LMNA: variants seen among roughly 807,000 people sequenced by gnomAD.
LMNA encodes lamin.
A neutral mutation model predicts 70.4 loss-of-function variants in LMNA; 20 were observed. The ratio of observed to expected loss-of-function variants is 0.28; its 90% CI spans 0.20 to 0.41. The LOEUF is 0.41. Among genes scored for constraint, LMNA ranks in the 10% least tolerant of loss-of-function variants. The pLI, the probability that LMNA is intolerant of heterozygous loss-of-function variation, is 1.00. For missense variants in LMNA, 652 were observed against 917.2 expected (o/e 0.71, Z 3.73); for synonymous variants, 339 against 372.8 (o/e 0.91, Z 1.04).
chr1:156,092,444 C>T (rs1022938978), intron 3 of LMNA, among the ~76,000 whole-genome samples: 5 of 151,402 alleles, frequency 3.3e-5, no homozygotes, highest in Non-Finnish European at 7.4e-5. Context: ...TTTGGGAGGC[C>T]GAGGCAGGTG....
upstream of LMNA, among the ~76,000 whole-genome samples, chr1:156,112,837 C>T (rs1189205020): frequency 1.3e-5 from 2 of 152,230 alleles, no homozygotes; most frequent in Non-Finnish European, 1.5e-5. Flanking sequence ...CTGTCCAGCC[C>T]TGCTTTCCTT....
intron 3 of LMNA, among the ~76,000 whole-genome samples, chr1:156,095,619 A>G (rs1419764438): frequency 1.3e-5 from 2 of 151,932 alleles, no homozygotes; most frequent in Admixed American, 1.3e-4. Flanking sequence ...GGCCTCTCAA[A>G]GTGCTGGGAT....
At position 156,107,940 on chromosome 1, in the gene LMNA, T is replaced by G. The variant is rs568232359; in HGVS notation, c.-206-6773T>G. Reference sequence around the variant, plus strand: ...GCCACCACGCCCAGCTGATTTTTTGTATTTTTGGTAGAGATGGAGTTTTAC... The same window carrying G: ...GCCACCACGCCCAGCTGATTTTTTGGATTTTTGGTAGAGATGGAGTTTTAC... On this transcript the variant is annotated intron_variant, in intron 3 of 12. Coordinates refer to the LMNA transcript ENST00000368301. Among the ~76,000 whole-genome samples, 9 of 152,136 alleles carry G rather than the reference T, an allele frequency of 5.9e-5. No homozygotes were observed. The South Asian group carries it at 1.9e-3, about 32-fold the overall frequency.
chr1:156,138,136 CT>C lies in LMNA; in HGVS notation c.1699-351del. On this transcript the variant is annotated intron_variant, in intron 10 of 11. Coordinates refer to ENST00000368300, the MANE Select transcript of LMNA (RefSeq NM_170707.4). This position sits in a 1 kb window ranked among gnomAD's most constrained non-coding sequence, Gnocchi z 5.5. ...CATTTTTCCTGCAAGAATGTTCTCT[CT>C]CATTCCTGACCGCCCCTCCACTCCA... The C allele has an allele frequency of 3.8e-6, 2 of 530,184 alleles. No individual in the cohort carries two copies. The highest frequency in any genetic ancestry group is 6.7e-5 in the East Asian group (2 of 30,016). 32.8% of individuals were successfully genotyped at this position (530,184 alleles called of 1,614,324 possible).
chr1:156,095,891 C>G (rs1648920793), intron 3 of LMNA, among the ~76,000 whole-genome samples: 1 of 152,224 alleles, frequency 6.6e-6, no homozygotes, highest in Non-Finnish European at 1.5e-5. Flanking sequence ...GTACATGTCT[C>G]TCCCAGGCAG....
In LMNA at chr1:156,106,657, A is replaced by AC. The variant is rs1272359068; in HGVS notation, c.-206-8049dup. 1.0e-4 allele frequency: 6 copies of AC among 59,730 alleles called. No individual in the cohort carries two copies. The East Asian group carries it at 1.3e-3, about 13-fold the overall frequency. The allele number at this position is 59,730 out of a possible 1,614,324, so 3.7% of individuals were successfully genotyped here. A position where few individuals can be genotyped will look rare whatever the true frequency, so the allele number is the denominator to read the frequency against. On this transcript the variant is annotated intron_variant, in intron 3 of 12. Coordinates refer to the LMNA transcript ENST00000368301. ...CCCACCCCCCCACGCCTCTGTCCCC[A>AC]CCCCCCCACCGCCCCCGGCAGCGTT...
rs57371677 is a variant in LMNA, at chr1:156,121,046, CTTTTTTTTTTTTTTT to C, written c.356+5783_356+5797del. Reference sequence around the variant, plus strand: ...CCAACCCTCCACCACCAAATCCATTCTTTTTTTTTTTTTTTTTTTTTTTTTGACAGTCTCGCTCCC... The same window carrying C: ...CCAACCCTCCACCACCAAATCCATTCTTTTTTTTTTGACAGTCTCGCTCCC... On this transcript the variant is annotated intron_variant, in intron 1 of 11. Transcript: ENST00000368300. Among the ~76,000 whole-genome samples the C allele has an allele frequency of 3.0e-5, 3 of 100,404 alleles. No individual in the cohort carries two copies. In the Admixed American group the frequency reaches 3.1e-4, roughly 11 times the overall value. 65.9% of individuals were successfully genotyped at this position (100,404 alleles called of 152,430 possible).
intron 3 of LMNA, among the ~76,000 whole-genome samples, chr1:156,099,621 C>G (rs776398136): frequency 6.6e-6 from 1 of 152,040 alleles, no homozygotes; most frequent in African/African-American, 2.4e-5. Context: ...TAGTGGCTCA[C>G]ACCGTAATCC....
intron 2 of LMNA, among the ~76,000 whole-genome samples, chr1:156,084,394 G>A (rs868324804): frequency 1.4e-4 from 21 of 149,774 alleles, no homozygotes; most frequent in African/African-American, 4.5e-4. Flanking sequence ...GAAGATCCAG[G>A]GAAGGAGAAC....
At chr1:156,116,232 G>A (rs1338374441) in intron 1 of LMNA, among the ~76,000 whole-genome samples, 1 of 152,178 alleles carries the variant, frequency 6.6e-6, no homozygotes, top group Non-Finnish European at 1.5e-5. Context: ...CCTCTTAGCT[G>A]CTGACGTTTT....
At chr1:156,130,173 G>A (rs745861554) in intron 1 of LMNA, among the ~76,000 whole-genome samples, 4 of 152,182 alleles carry the variant, frequency 2.6e-5, no homozygotes, top group Non-Finnish European at 5.9e-5. Context: ...TGTGGGCCAT[G>A]AGCTTAGTTG....
intron 1 of LMNA, among the ~76,000 whole-genome samples, chr1:156,121,668 C>G (rs866184016): frequency 1.2e-4 from 18 of 152,092 alleles, no homozygotes; most frequent in African/African-American, 3.6e-4. Flanking sequence ...CTCCCCTCCC[C>G]CTTGCTTCCC....
intron 2 of LMNA, among the ~76,000 whole-genome samples, chr1:156,084,341 G>GGGGGT (rs1648401818): frequency 7.9e-6 from 1 of 127,240 alleles, no homozygotes. Context: ...GGGGTGGTGG[G>GGGGGT]GGCAGTTGGC....
intron 1 of LMNA, chr1:156,082,748 G>T (rs1648305046): frequency 6.6e-6 from 1 of 151,722 alleles, no homozygotes; most frequent in Admixed American, 6.5e-5. Context: ...AACGCCGCGC[G>T]CCCCCTCCCA....
chr1:156,107,627 G>T (rs543716709), intron 3 of LMNA, among the ~76,000 whole-genome samples: 1 of 152,142 alleles, frequency 6.6e-6, no homozygotes, highest in African/African-American at 2.4e-5. Context: ...GAGTGAGGGG[G>T]ATCTCTGACT....
In LMNA at chr1:156,115,740, A is replaced by G. The variant is rs1649784419; in HGVS notation, c.356+466A>G. Reference sequence around the variant, plus strand: ...CTAGCTTTGCCCAAGCTGGCTCTGAACACATGATGCCCACTAAGACATAAC... The same window carrying G: ...CTAGCTTTGCCCAAGCTGGCTCTGAGCACATGATGCCCACTAAGACATAAC... On this transcript the variant is annotated intron_variant, in intron 1 of 11. Coordinates refer to ENST00000368300, the MANE Select transcript of LMNA (RefSeq NM_170707.4). The surrounding 1 kb of genome is among the most constrained non-coding windows in gnomAD (Gnocchi z 5.8). Among the ~76,000 whole-genome samples, 1 of 152,232 alleles carries G rather than the reference A, an allele frequency of 6.6e-6. No individual in the cohort carries two copies. The highest frequency in any genetic ancestry group is 2.4e-5 in the African/African-American group (1 of 41,466).
chr1:156,137,336 T>G lies in LMNA; in HGVS notation c.1608+104T>G. 7.0e-7 allele frequency: 1 copy of G among 1,426,260 alleles called. No individual in the cohort carries two copies. Among genetic ancestry groups the G allele is most frequent in the Non-Finnish European group, 9.5e-7 (1 of 1,048,644 alleles). The allele number at this position is 1,426,260 out of a possible 1,614,324, so 88.4% of individuals were successfully genotyped here. ...CAAGTTTGCCAATTCAGGGCCCCTTTCTAGAGCTCTCTGTTGCAGGCTCCA... is the reference window on the plus strand; with the variant it reads ...CAAGTTTGCCAATTCAGGGCCCCTTGCTAGAGCTCTCTGTTGCAGGCTCCA... On this transcript the variant is annotated intron_variant, in intron 9 of 11. Coordinates refer to ENST00000368300, the MANE Select transcript of LMNA (RefSeq NM_170707.4). The surrounding 1 kb of genome is among the most constrained non-coding windows in gnomAD (Gnocchi z 4.6).
At chr1:156,122,592 C>G (rs1157931857) in intron 1 of LMNA, among the ~76,000 whole-genome samples, 1 of 152,202 alleles carries the variant, frequency 6.6e-6, no homozygotes, top group African/African-American at 2.4e-5. Flanking sequence ...TAGGAAAGGG[C>G]AACTCGTTTT....
chr1:156,110,450 G>A (rs1649492684), upstream of LMNA, among the ~76,000 whole-genome samples: 2 of 152,290 alleles, frequency 1.3e-5, no homozygotes, highest in East Asian at 1.9e-4. Context: ...TTTAGTTATT[G>A]CACATCCCCA....
Sources: gnomAD v4.1 joint callset for allele counts (sites outside exome capture counted in the v4.1 genomes callset) on GRCh38, gnomAD v4.1.1 for gene constraint, Gnocchi (gnomAD v3.1) non-coding constraint, MANE v1.5 for transcripts, NCBI Gene and HGNC (gene_info 2026-07-23, HGNC 2026-07-21) for gene names.